Variants in NDST3 observed in about 807,000 individuals in gnomAD.
The protein encoded by NDST3 is N-deacetylase and N-sulfotransferase 3.
In NDST3, 58 loss-of-function variants were observed where a neutral mutation model predicts 96.1. The observed-to-expected ratio is 0.60, with a 90% CI of 0.49 to 0.75. NDST3 has a LOEUF of 0.75. Ranked by LOEUF, NDST3 falls within the 30% of genes least tolerant of loss-of-function variation. The pLI is 0.00. For missense variants in NDST3, 788 were observed against 1,034.2 expected (o/e 0.76, Z 3.27); for synonymous variants, 333 against 359.7 (o/e 0.93, Z 0.84).
At chr4:118,079,104 T>C (rs570349850) in intron 2 of NDST3, among the ~76,000 whole-genome samples, 1 of 152,316 alleles carries the variant, frequency 6.6e-6, no homozygotes, top group East Asian at 1.9e-4. Flanking sequence ...ACTCAAAAAA[T>C]ATTAATTGGT....
intron 2 of NDST3, among the ~76,000 whole-genome samples, chr4:118,072,716 GTTTC>G (rs1727186754): frequency 6.6e-6 from 1 of 151,932 alleles, no homozygotes. Context: ...GATGCCTTTT[GTTTC>G]TTTATCTTGC....
intron 5 of NDST3, among the ~76,000 whole-genome samples, chr4:118,143,114 C>A (rs1274156900): frequency 6.6e-6 from 1 of 152,150 alleles, no homozygotes; most frequent in Non-Finnish European, 1.5e-5. Context: ...GAGTTGATAA[C>A]TGACTTCATT....
At chr4:118,224,762 G>C in intron 7 of NDST3, 89 bp downstream of exon 7, 1 of 1,133,832 alleles carries the variant, frequency 8.8e-7, no homozygotes, top group Admixed American at 3.1e-5. Context: ...GAAGGCACCT[G>C]AAAAAACCTG....
chr4:118,182,877 A>G (rs1347687132), intron 6 of NDST3, among the ~76,000 whole-genome samples: 2 of 152,236 alleles, frequency 1.3e-5, no homozygotes, highest in Non-Finnish European at 2.9e-5. Flanking sequence ...CAGTTTGAGC[A>G]ACAACCTTAG....
chr4:118,173,843 C>T (rs900739522), intron 6 of NDST3, among the ~76,000 whole-genome samples: 2 of 152,130 alleles, frequency 1.3e-5, no homozygotes, highest in African/African-American at 4.8e-5. Context: ...TCTTGCTTTG[C>T]TATTGTAATA....
At position 118,170,314 on chromosome 4, in the gene NDST3, A is replaced by G. The variant is rs78075432; in HGVS notation, c.1539+26630A>G. Among the ~76,000 whole-genome samples the G allele has an allele frequency of 5.7e-3, 866 of 152,340 alleles. 11 individuals are homozygous for G. The highest frequency in any genetic ancestry group is 0.02 in the African/African-American group (832 of 41,558). ...TTAGGTGTGATGATGAGATTCAGTT[A>G]TATAAAAAATGTACTTATTCTTACA... On this transcript the variant is annotated intron_variant, in intron 6 of 13. Transcript: ENST00000296499.
rs1725262418 is a variant in NDST3, at chr4:118,054,194, T to A, written c.284T>A (p.Ile95Asn). The A allele has an allele frequency of 6.2e-7, 1 of 1,612,930 alleles. No homozygotes were observed. Among genetic ancestry groups the A allele is most frequent in the Non-Finnish European group, 8.5e-7 (1 of 1,179,390 alleles). The change falls in exon 2 of 14, where the codon ATC (isoleucine) becomes AAC (asparagine). Residue 95 changes from isoleucine to asparagine, a missense_variant. Coordinates refer to ENST00000296499, the MANE Select transcript of NDST3 (RefSeq NM_004784.3). ...CAGTACTCATCTCTTGGTCAAGACA[T>A]CATTATGATTCTAGAATCAAGTAGA... Reference protein sequence around the residue: ...ESQYSSLGQDIIMILESSRFQ... With the variant: ...ESQYSSLGQDNIMILESSRFQ...
intron 6 of NDST3, among the ~76,000 whole-genome samples, chr4:118,216,010 G>A (rs958761558): frequency 1.3e-5 from 2 of 152,122 alleles, no homozygotes; most frequent in Non-Finnish European, 2.9e-5. Context: ...GGATTCCATT[G>A]AGATTGGGGA....
chr4:118,168,572 C>T (rs1735714557), intron 6 of NDST3, among the ~76,000 whole-genome samples: 1 of 151,846 alleles, frequency 6.6e-6, no homozygotes. Flanking sequence ...GGAGGTTCCT[C>T]AAAAAATTAA....
intron 12 of NDST3, 120 bp from the exon 13 acceptor site, chr4:118,253,376 ATTG>A (rs1177244795): frequency 1.7e-6 from 1 of 572,762 alleles, no homozygotes; most frequent in African/African-American, 1.9e-5. Context: ...CTGGTTATAG[ATTG>A]TTATCCAAAT....
intron 6 of NDST3, among the ~76,000 whole-genome samples, chr4:118,215,316 A>T (rs1183745251): frequency 6.6e-6 from 1 of 152,124 alleles, no homozygotes; most frequent in Non-Finnish European, 1.5e-5. Flanking sequence ...GCCAAGGAAG[A>T]ATAAAATTTT....
At chr4:118,096,086 TAGA>T (rs1467136528) in intron 2 of NDST3, among the ~76,000 whole-genome samples, 5 of 151,926 alleles carry the variant, frequency 3.3e-5, no homozygotes, top group African/African-American at 1.2e-4. Context: ...GGTACATACC[TAGA>T]AGAAGAATTG....
intron 4 of NDST3, among the ~76,000 whole-genome samples, chr4:118,118,752 T>C (rs1731313915): frequency 6.6e-6 from 1 of 152,120 alleles, no homozygotes; most frequent in Non-Finnish European, 1.5e-5. Context: ...GATTTTTTTT[T>C]GGAAAGGTAC....
chr4:118,253,841 A>G (rs1307718381), intron 13 of NDST3, among the ~76,000 whole-genome samples: 2 of 152,224 alleles, frequency 1.3e-5, no homozygotes, highest in African/African-American at 2.4e-5. Flanking sequence ...CAAAGAGATA[A>G]TATCTTATTC....
chr4:118,200,918 A>G (rs1738035843), intron 6 of NDST3, among the ~76,000 whole-genome samples: 1 of 152,176 alleles, frequency 6.6e-6, no homozygotes, highest in South Asian at 2.1e-4. Flanking sequence ...AGTACTCAAT[A>G]GGTAGTTTTT....
At chr4:118,239,441 C>T (rs1373587393) in intron 10 of NDST3, among the ~76,000 whole-genome samples, 1 of 152,146 alleles carries the variant, frequency 6.6e-6, no homozygotes, top group Non-Finnish European at 1.5e-5. Context: ...CTATACTAAT[C>T]ATTCACGCCA....
intron 4 of NDST3, among the ~76,000 whole-genome samples, chr4:118,129,117 G>T (rs1047990402): frequency 1.3e-5 from 2 of 151,120 alleles, no homozygotes; most frequent in East Asian, 1.9e-4. Flanking sequence ...TGCTGATTTT[G>T]TTTATCTTAG....
chr4:118,136,765 G>A (rs186747942), intron 4 of NDST3, among the ~76,000 whole-genome samples: 5 of 152,118 alleles, frequency 3.3e-5, no homozygotes, highest in East Asian at 1.9e-4. Context: ...CAGAGTTTAC[G>A]AGATAAGAAA....
At chr4:118,065,107 C>T (rs998906452) in intron 2 of NDST3, among the ~76,000 whole-genome samples, 1 of 152,098 alleles carries the variant, frequency 6.6e-6, no homozygotes, top group African/African-American at 2.4e-5. Context: ...GTAATGTTCA[C>T]ATTCACAGGT....
Sources: gnomAD v4.1 joint callset for allele counts (sites outside exome capture counted in the v4.1 genomes callset) on GRCh38, gnomAD v4.1.1 for gene constraint, MANE v1.5 for transcripts, NCBI Gene and HGNC (gene_info 2026-07-23, HGNC 2026-07-21) for gene names.